CACNA2D1: variants seen among roughly 807,000 people sequenced by gnomAD.
CACNA2D1 encodes the protein voltage-dependent calcium channel subunit alpha-2/delta-1.
Under a neutral mutation model 171.5 loss-of-function variants are expected in CACNA2D1, and 53 were observed. The observed-to-expected ratio is 0.31, with a 90% CI of 0.25 to 0.39. CACNA2D1 has a LOEUF of 0.39. Ranked by LOEUF, CACNA2D1 falls within the 10% of genes least tolerant of loss-of-function variation. The pLI, the probability that CACNA2D1 is intolerant of heterozygous loss-of-function variation, is 1.00. For missense variants in CACNA2D1, 903 were observed against 1,299.8 expected (o/e 0.69, Z 4.69); for synonymous variants, 442 against 443.1 (o/e 1.00, Z 0.03).
In CACNA2D1 at chr7:82,179,781, AG is replaced by A. The variant is rs1268563562; in HGVS notation, c.295-9173del. Among the ~76,000 whole-genome samples, 4 of 152,226 alleles carry A rather than the reference AG, an allele frequency of 2.6e-5. No homozygotes were observed. The East Asian group carries it at 5.8e-4, about 22-fold the overall frequency. On this transcript the variant is annotated intron_variant, in intron 3 of 38. Transcript: ENST00000356860. ...AGTGCATATATCATTTTGTATTATA[AG>A]GGGTAAGTATGATATGTGCTTAGTA...
rs184103414 is a variant in CACNA2D1 at position 82,102,666 on chromosome 7, G to C, written c.526+14378C>G. Among the ~76,000 whole-genome samples the C allele has an allele frequency of 5.4e-4, 82 of 152,240 alleles. 1 individual carries two copies. The highest frequency in any genetic ancestry group is 2.0e-3 in the African/African-American group (81 of 41,538). On this transcript the variant is annotated intron_variant, in intron 6 of 38. Transcript: ENST00000356860. ...TTCAACGAAGGAACTTAGACTGATGGAGATTCCATCTACAAGGTCATGGGG... is the reference window on the plus strand; with the variant it reads ...TTCAACGAAGGAACTTAGACTGATGCAGATTCCATCTACAAGGTCATGGGG...
intron 2 of CACNA2D1, among the ~76,000 whole-genome samples, chr7:82,336,138 A>T (rs952073571): frequency 6.6e-6 from 1 of 152,168 alleles, no homozygotes; most frequent in African/African-American, 2.4e-5. Flanking sequence ...GAAAGCCAGG[A>T]CCTGGCAGGT....
chr7:81,967,532 A>T (rs1278324135), intron 30 of CACNA2D1, 64 bp downstream of exon 30: 2 of 874,064 alleles, frequency 2.3e-6, no homozygotes, highest in Non-Finnish European at 3.7e-6. Context: ...AGGACCTTAT[A>T]TTTTTTTCTA....
rs777023624 is a variant in CACNA2D1 at position 81,970,757 on chromosome 7, A to G, written c.2142-20T>C. On this transcript the variant is annotated intron_variant, in intron 26 of 38. Coordinates refer to ENST00000356860, the MANE Select transcript of CACNA2D1 (RefSeq NM_000722.4). ...CCCTTGCTGAAACAGAAGACAAAAC[A>G]AGGAAATGTTCTATTGAACATATTC... is the stretch of plus-strand genomic sequence containing the variant. 3 of 1,479,206 alleles carry G rather than the reference A, an allele frequency of 2.0e-6. No individual in the cohort carries two copies. The highest frequency in any genetic ancestry group is 3.4e-5 in the Admixed American group (2 of 59,616). 91.6% of individuals were successfully genotyped at this position (1,479,206 alleles called of 1,614,324 possible). A position where few individuals can be genotyped will look rare whatever the true frequency, so the allele number is the denominator to read the frequency against.
At chr7:82,333,161 A>G (rs1817587531) in intron 3 of CACNA2D1, among the ~76,000 whole-genome samples, 1 of 152,234 alleles carries the variant, frequency 6.6e-6, no homozygotes, top group Non-Finnish European at 1.5e-5. Context: ...AAAATATAAT[A>G]AAGATATCAA....
chr7:82,422,823 T>C (rs545911136), intron 1 of CACNA2D1, among the ~76,000 whole-genome samples: 11 of 152,172 alleles, frequency 7.2e-5, no homozygotes, highest in South Asian at 4.1e-4. Flanking sequence ...CAGAACATCA[T>C]TGGCAACAGG....
At chr7:82,227,103 G>A (rs546778447) in intron 3 of CACNA2D1, among the ~76,000 whole-genome samples, 20 of 152,256 alleles carry the variant, frequency 1.3e-4, no homozygotes, top group Admixed American at 1.2e-3. Context: ...GATCAATATA[G>A]AGCCTAGAAT....
chr7:81,974,672 C>A, intron 24 of CACNA2D1, 120 bp from the exon 25 acceptor site: 1 of 606,738 alleles, frequency 1.6e-6, no homozygotes, highest in South Asian at 1.8e-5. Context: ...AACTATTGAG[C>A]TTCTTGTTAC....
intron 4 of CACNA2D1, among the ~76,000 whole-genome samples, chr7:82,151,097 T>TTCTCAACAAATTCAAAAGAC (rs1793810816): frequency 6.6e-6 from 1 of 152,120 alleles, no homozygotes. Flanking sequence ...ATCCAAAAGA[T>TTCTCAACAAATTCAAAAGAC]TCTCAACAAA....
chr7:82,050,476 G>A, intron 10 of CACNA2D1: 2 of 665,848 alleles, frequency 3.0e-6, no homozygotes, highest in Non-Finnish European at 5.4e-6. Context: ...AGTGAGATGG[G>A]TTTCCAGCCA....
At chr7:82,401,050 G>C (rs1227926683) in intron 1 of CACNA2D1, among the ~76,000 whole-genome samples, 2 of 152,060 alleles carry the variant, frequency 1.3e-5, no homozygotes, top group South Asian at 4.1e-4. Flanking sequence ...AAAAAGTCAG[G>C]AAACAACAGG....
rs1054280258 is a variant in CACNA2D1 at position 82,360,628 on chromosome 7, A to T, written c.96-10979T>A. ...CAGGTTAGGTGGAGAGACAGCCCTG[A>T]TATGTTTATGAACATAAAATATTCT... On this transcript the variant is annotated intron_variant, in intron 1 of 38. Transcript: ENST00000356860. Among the ~76,000 whole-genome samples the T allele has an allele frequency of 3.9e-5, 6 of 152,192 alleles. No homozygotes were observed. In the South Asian group the frequency reaches 1.0e-3, roughly 26 times the overall value.
chr7:82,168,167 G>GTC (rs1212802462), intron 4 of CACNA2D1, among the ~76,000 whole-genome samples: 2 of 152,100 alleles, frequency 1.3e-5, no homozygotes, highest in Admixed American at 6.6e-5. Context: ...GGGAGATGAG[G>GTC]TCTCTCTCTG....
At chr7:82,252,319 G>T (rs1805739541) in intron 3 of CACNA2D1, among the ~76,000 whole-genome samples, 1 of 152,166 alleles carries the variant, frequency 6.6e-6, no homozygotes, top group East Asian at 1.9e-4. Context: ...AAAGTAAAGA[G>T]AGGTGAAGTT....
At chr7:82,280,968 T>C (rs1409055174) in intron 3 of CACNA2D1, among the ~76,000 whole-genome samples, 5 of 152,194 alleles carry the variant, frequency 3.3e-5, no homozygotes, top group Non-Finnish European at 7.3e-5. Flanking sequence ...ATCATTTGGG[T>C]TTCCTTTAGC....
chr7:81,988,142 T>C lies in CACNA2D1; in HGVS notation c.1796+3043A>G, dbSNP rs138889936. On this transcript the variant is annotated intron_variant, in intron 21 of 38. Transcript: ENST00000356860. ...CCCAGTTTTTCTCAGAATTTGTTCA[T>C]CTAAGCAACAAAGACACAGAATGCA... 6.6e-4 allele frequency among the ~76,000 whole-genome samples: 101 copies of C among 152,272 alleles called. 2 individuals are homozygous for C. In the East Asian group the frequency reaches 0.018, roughly 27 times the overall value.
chr7:82,156,182 T>C (rs990122310), intron 4 of CACNA2D1, among the ~76,000 whole-genome samples: 1 of 152,202 alleles, frequency 6.6e-6, no homozygotes, highest in South Asian at 2.1e-4. Flanking sequence ...TGGTATACCA[T>C]GTGATTAACT....
At chr7:82,265,801 T>C (rs1269704263) in intron 3 of CACNA2D1, among the ~76,000 whole-genome samples, 1 of 152,130 alleles carries the variant, frequency 6.6e-6, no homozygotes, top group Admixed American at 6.6e-5. Context: ...ATCATTGCCC[T>C]CTTTATTTTC....
intron 3 of CACNA2D1, among the ~76,000 whole-genome samples, chr7:82,210,554 A>G (rs1047408797): frequency 6.6e-6 from 1 of 152,178 alleles, no homozygotes; most frequent in Non-Finnish European, 1.5e-5. Context: ...GGGTGTGTGC[A>G]GGCTCTTCAG....
Sources: gnomAD v4.1 joint callset for allele counts (sites outside exome capture counted in the v4.1 genomes callset) on GRCh38, gnomAD v4.1.1 for gene constraint, MANE v1.5 for transcripts, NCBI Gene and HGNC (gene_info 2026-07-23, HGNC 2026-07-21) for gene names.